TMEM245: variants seen among roughly 807,000 people sequenced by gnomAD.
TMEM245 encodes the protein protein CG-2.
TMEM245 carries 69 observed loss-of-function variants against 101.2 expected under a neutral mutation model. The ratio of observed to expected loss-of-function variants is 0.68; its 90% confidence interval spans 0.56 to 0.83. The LOEUF is 0.83. Among genes scored for constraint, TMEM245 ranks in the 40% least tolerant of loss-of-function variants. The probability of loss-of-function intolerance (pLI) is 0.00; values close to 1 mark genes in which losing one functional copy is unlikely to be tolerated. For synonymous variants in TMEM245, 537 were observed against 449.8 expected (o/e 1.19, Z -2.45); for missense variants, 1,075 against 1,092.8 (o/e 0.98, Z 0.23).
intron 10 of TMEM245, among the ~76,000 whole-genome samples, chr9:109,064,252 C>T (rs1413288638): frequency 6.6e-6 from 1 of 152,232 alleles, no homozygotes; most frequent in Non-Finnish European, 1.5e-5. Context: ...AGTAATGAAT[C>T]ACATCTATCT....
intron 14 of TMEM245, among the ~76,000 whole-genome samples, chr9:109,045,340 A>G (rs1434207220): frequency 6.6e-6 from 1 of 152,102 alleles, no homozygotes; most frequent in Non-Finnish European, 1.5e-5. Flanking sequence ...TTCCAGCATG[A>G]GGGGAACGGC....
Position 109,080,046 on chromosome 9 carries a change from GA to G in TMEM245, c.1449+792del, listed in dbSNP as rs1468710704. Among the ~76,000 whole-genome samples the G allele has an allele frequency of 2.6e-5, 4 of 152,154 alleles. No homozygotes were observed. In the East Asian group the frequency reaches 7.7e-4, roughly 29 times the overall value. On this transcript the variant is annotated intron_variant, in intron 8 of 17. Transcript: ENST00000374586. The stretch of plus-strand genomic sequence containing the variant: ...ACTTCCAAGCAGAGATGCCACTGAA[GA>G]AATAGTGCAGTTCTTTAGCAAATTG...
chr9:109,082,792 T>A (rs1296193585), intron 7 of TMEM245, among the ~76,000 whole-genome samples: 1 of 152,078 alleles, frequency 6.6e-6, no homozygotes, highest in Non-Finnish European at 1.5e-5. Context: ...CATTACAATA[T>A]CCAATTTTTT....
At chr9:109,078,703 T>C (rs1829587833) in intron 8 of TMEM245, among the ~76,000 whole-genome samples, 1 of 152,260 alleles carries the variant, frequency 6.6e-6, no homozygotes, top group South Asian at 2.1e-4. Flanking sequence ...AGTTTGACTA[T>C]GATGTAGCTA....
At chr9:109,073,264 C>T in intron 9 of TMEM245, 92 bp downstream of exon 9, 1 of 927,838 alleles carries the variant, frequency 1.1e-6, no homozygotes, top group Non-Finnish European at 1.8e-6. Context: ...TTTTATCTTC[C>T]AATGCAGCTG....
intron 14 of TMEM245, chr9:109,046,100 T>A: frequency 3.7e-6 from 1 of 269,468 alleles, no homozygotes; most frequent in South Asian, 4.1e-5. Context: ...GGAAGCATGT[T>A]CACTTTCCAA....
At chr9:109,067,337 C>A (rs1829201246) in intron 9 of TMEM245, among the ~76,000 whole-genome samples, 1 of 152,114 alleles carries the variant, frequency 6.6e-6, no homozygotes, top group African/African-American at 2.4e-5. Flanking sequence ...ACCTCTACAG[C>A]CCCTGAACTG....
chr9:109,086,808 GTAT>G (rs1251612045), intron 6 of TMEM245, among the ~76,000 whole-genome samples: 2 of 152,194 alleles, frequency 1.3e-5, no homozygotes, highest in Admixed American at 1.3e-4. Flanking sequence ...ACTTAATACA[GTAT>G]CTGACATATG....
intron 14 of TMEM245, among the ~76,000 whole-genome samples, chr9:109,047,829 T>TG (rs1344772407): frequency 6.6e-6 from 1 of 152,268 alleles, no homozygotes; most frequent in Non-Finnish European, 1.5e-5. Flanking sequence ...CCACACTGAC[T>TG]GGAGAATTCC....
chr9:109,050,150 G>T, intron 14 of TMEM245, 133 bp downstream of exon 14: 1 of 1,050,438 alleles, frequency 9.5e-7, no homozygotes. Flanking sequence ...AAAATGAGAT[G>T]AAAACCTTGA....
chr9:109,057,509 T>C (rs1209341258), intron 11 of TMEM245, among the ~76,000 whole-genome samples, 187 bp from the exon 12 acceptor site: 2 of 152,122 alleles, frequency 1.3e-5, no homozygotes, highest in Admixed American at 6.5e-5. Flanking sequence ...TCCCAGCACT[T>C]TGGGAGGCCG....
In TMEM245 at chr9:109,027,678, C is replaced by CTTT. The variant is rs35393366; in HGVS notation, c.2594+5626_2594+5628dup. Among the ~76,000 whole-genome samples the CTTT allele has an allele frequency of 2.0e-5, 3 of 150,066 alleles. No homozygotes were observed. In the South Asian group the frequency reaches 6.3e-4, roughly 32 times the overall value. On this transcript the variant is annotated intron_variant, in intron 17 of 17. Transcript: ENST00000374586. ...CACCACAGCTTCTGAGTGTCTCACTCTTTTTTTTTTGAGACAGAGTCTCGC... is the reference window on the plus strand; with the variant it reads ...CACCACAGCTTCTGAGTGTCTCACTCTTTTTTTTTTTTTGAGACAGAGTCTCGC...
chr9:109,098,800 A>G (rs1184969638), intron 3 of TMEM245, among the ~76,000 whole-genome samples: 1 of 141,712 alleles, frequency 7.1e-6, no homozygotes, highest in African/African-American at 2.6e-5. Flanking sequence ...CATTAAGCAG[A>G]AGCCAAATAA....
chr9:109,089,911 C>T (rs1829949155), intron 5 of TMEM245, among the ~76,000 whole-genome samples: 1 of 152,196 alleles, frequency 6.6e-6, no homozygotes. Context: ...GCCTACATTT[C>T]CTTTGAATTA....
chr9:109,080,628 T>TA (rs1182051404), intron 8 of TMEM245, among the ~76,000 whole-genome samples: 3 of 152,022 alleles, frequency 2.0e-5, no homozygotes, highest in Non-Finnish European at 4.4e-5. Flanking sequence ...TTCGATAAAA[T>TA]AAAAATGCAT....
intron 17 of TMEM245, among the ~76,000 whole-genome samples, chr9:109,028,429 G>T (rs1454399167): frequency 6.7e-6 from 1 of 149,674 alleles, no homozygotes; most frequent in African/African-American, 2.5e-5. Flanking sequence ...ACTCCAGCCT[G>T]GGTGACAAGA....
chr9:109,104,529 T>C lies in TMEM245; in HGVS notation c.799+1979A>G, dbSNP rs567599073. Among the ~76,000 whole-genome samples the C allele has an allele frequency of 8.7e-4, 132 of 152,306 alleles. 2 individuals are homozygous for C. In the South Asian group the frequency reaches 0.012, roughly 14 times the overall value. Reference sequence around the variant, plus strand: ...CCTATCAAAATCCCAAAAGGCTTTTTTGTAAAAACAGGAAAGCTGATCATA... The same window carrying C: ...CCTATCAAAATCCCAAAAGGCTTTTCTGTAAAAACAGGAAAGCTGATCATA... On this transcript the variant is annotated intron_variant, in intron 3 of 17. Coordinates refer to ENST00000374586, the MANE Select transcript of TMEM245 (RefSeq NM_032012.4).
At chr9:109,080,643 A>G (rs1253473184) in intron 8 of TMEM245, among the ~76,000 whole-genome samples, 196 bp downstream of exon 8, 1 of 152,118 alleles carries the variant, frequency 6.6e-6, no homozygotes, top group Non-Finnish European at 1.5e-5. Context: ...ATGCATGTAA[A>G]AGAGGTCTGA....
intron 1 of TMEM245, among the ~76,000 whole-genome samples, chr9:109,116,382 T>C (rs1830724048): frequency 6.6e-6 from 1 of 152,160 alleles, no homozygotes; most frequent in African/African-American, 2.4e-5. Flanking sequence ...TGCACTTTCT[T>C]TCTTATTTTA....
Sources: gnomAD v4.1 joint callset for allele counts (sites outside exome capture counted in the v4.1 genomes callset) on GRCh38, gnomAD v4.1.1 for gene constraint, MANE v1.5 for transcripts, NCBI Gene and HGNC (gene_info 2026-07-23, HGNC 2026-07-21) for gene names.